JARID2: variants seen among roughly 807,000 people sequenced by gnomAD.
JARID2 encodes the protein jumonji and AT-rich interaction domain containing 2, also known as protein Jumonji.
JARID2 carries 21 observed loss-of-function variants against 125.6 expected under a neutral mutation model. That is an observed-to-expected ratio of 0.17 (90% confidence interval 0.12 to 0.24). The LOEUF (loss-of-function observed/expected upper bound fraction) is 0.24, where lower values mean the gene tolerates loss of function less well. Among genes scored for constraint, JARID2 ranks in the 10% least tolerant of loss-of-function variants. The pLI is 1.00. For synonymous variants in JARID2, 736 were observed against 661.6 expected (o/e 1.11, Z -1.73); for missense variants, 1,303 against 1,639.6 (o/e 0.79, Z 3.55).
At chr6:15,418,123 C>T (rs1474791773) in intron 3 of JARID2, among the ~76,000 whole-genome samples, 3 of 151,774 alleles carry the variant, frequency 2.0e-5, no homozygotes, top group Admixed American at 6.6e-5. Context: ...GAGATTCCAT[C>T]GTGGCTGCTC....
chr6:15,493,035 G>T (rs1027922761), intron 6 of JARID2, among the ~76,000 whole-genome samples: 4 of 152,104 alleles, frequency 2.6e-5, no homozygotes, highest in Non-Finnish European at 5.9e-5. Context: ...TGCCATTGAA[G>T]ATAGTGATAT....
intron 3 of JARID2, among the ~76,000 whole-genome samples, chr6:15,440,336 T>C (rs561758058): frequency 5.3e-5 from 8 of 152,318 alleles, no homozygotes; most frequent in African/African-American, 1.9e-4. Flanking sequence ...GCGAGGTGTC[T>C]GAGGTCATGG....
At chr6:15,475,523 T>C (rs1480031874) in intron 5 of JARID2, among the ~76,000 whole-genome samples, 1 of 152,164 alleles carries the variant, frequency 6.6e-6, no homozygotes, top group Admixed American at 6.6e-5. Flanking sequence ...CTACCACCTG[T>C]TCTTCAACAT....
intron 2 of JARID2, among the ~76,000 whole-genome samples, chr6:15,392,766 C>T (rs1388984661): frequency 6.8e-6 from 1 of 147,170 alleles, no homozygotes; most frequent in Non-Finnish European, 1.5e-5. Flanking sequence ...CTCATTGTAA[C>T]CTCCACCTCC....
chr6:15,500,785 C>A, intron 7 of JARID2, 122 bp from the exon 8 acceptor site: 1 of 843,620 alleles, frequency 1.2e-6, no homozygotes, highest in South Asian at 1.6e-5. Context: ...ACCACTCTCA[C>A]CCCAGAGCCT....
At chr6:15,364,281 A>G (rs1217802799) in intron 1 of JARID2, among the ~76,000 whole-genome samples, 1 of 152,182 alleles carries the variant, frequency 6.6e-6, no homozygotes, top group African/African-American at 2.4e-5. Flanking sequence ...CCTGTCAGTA[A>G]GGGGCAACCA....
intron 1 of JARID2, among the ~76,000 whole-genome samples, chr6:15,330,756 A>G (rs148653408): frequency 1.6e-3 from 244 of 152,328 alleles, no homozygotes; most frequent in African/African-American, 5.7e-3. Context: ...AAAAGATGCA[A>G]TCATTGCTAA....
chr6:15,442,691 A>G (rs1767499487), intron 3 of JARID2, among the ~76,000 whole-genome samples: 1 of 152,186 alleles, frequency 6.6e-6, no homozygotes, highest in South Asian at 2.1e-4. Flanking sequence ...TGACAGAACA[A>G]AAGGGCTTTG....
At chr6:15,402,628 C>CCA (rs1375142653) in intron 2 of JARID2, among the ~76,000 whole-genome samples, 1 of 152,164 alleles carries the variant, frequency 6.6e-6, no homozygotes, top group Non-Finnish European at 1.5e-5. Context: ...TGCAGTGATG[C>CCA]CATTGTTCTG....
At chr6:15,288,374 G>C (rs988004519) in intron 1 of JARID2, among the ~76,000 whole-genome samples, 1 of 152,116 alleles carries the variant, frequency 6.6e-6, no homozygotes, top group Non-Finnish European at 1.5e-5. Context: ...TCTCATTCAC[G>C]ATTGCTAGGA....
chr6:15,380,058 G>A (rs545826511), intron 2 of JARID2, among the ~76,000 whole-genome samples: 169 of 151,082 alleles, frequency 1.1e-3, no homozygotes, highest in African/African-American at 3.8e-3. Context: ...AGGGGATGGA[G>A]TCTTGCTTGC....
chr6:15,497,246 C>G (rs973845752), intron 7 of JARID2, 76 bp downstream of exon 7: 20 of 1,138,566 alleles, frequency 1.8e-5, no homozygotes, highest in Non-Finnish European at 2.3e-5. Flanking sequence ...TCACAGTCTT[C>G]ACGTTCTCTT....
At chr6:15,489,335 T>G (rs1770034849) in intron 6 of JARID2, among the ~76,000 whole-genome samples, 1 of 152,136 alleles carries the variant, frequency 6.6e-6, no homozygotes, top group Admixed American at 6.5e-5. Context: ...TGAGAACCCA[T>G]CCTTGGGATG....
At chr6:15,257,734 T>G (rs781349004) in intron 1 of JARID2, among the ~76,000 whole-genome samples, 4 of 152,220 alleles carry the variant, frequency 2.6e-5, no homozygotes, top group African/African-American at 4.8e-5. Context: ...GTAGTACACG[T>G]TAGGCCAGCG....
intron 3 of JARID2, among the ~76,000 whole-genome samples, chr6:15,419,826 A>G (rs1766405463): frequency 6.6e-6 from 1 of 152,200 alleles, no homozygotes; most frequent in Admixed American, 6.5e-5. Flanking sequence ...AGGCAATTTG[A>G]TACGATGTGC....
intron 3 of JARID2, among the ~76,000 whole-genome samples, chr6:15,444,497 C>T (rs1581573362): frequency 6.6e-6 from 1 of 152,294 alleles, no homozygotes; most frequent in Middle Eastern, 3.4e-3. Context: ...CCACAACCTC[C>T]AGTGCGCACA....
At chr6:15,412,318 G>C (rs112889497) in intron 3 of JARID2, among the ~76,000 whole-genome samples, 4 of 151,922 alleles carry the variant, frequency 2.6e-5, no homozygotes, top group Non-Finnish European at 5.9e-5. Flanking sequence ...TTTTTGGGGG[G>C]GTTGAGGGAG....
chr6:15,458,161 A>G (rs1768275020), intron 4 of JARID2, among the ~76,000 whole-genome samples: 1 of 152,178 alleles, frequency 6.6e-6, no homozygotes, highest in African/African-American at 2.4e-5. Flanking sequence ...CACTCTGGTT[A>G]TTCTTAATGA....
chr6:15,423,937 C>T (rs1184846548), intron 3 of JARID2, among the ~76,000 whole-genome samples: 1 of 152,114 alleles, frequency 6.6e-6, no homozygotes, highest in Admixed American at 6.5e-5. Flanking sequence ...CCCAAGACAC[C>T]TCCTCTCCCG....
Sources: gnomAD v4.1 joint callset for allele counts (sites outside exome capture counted in the v4.1 genomes callset) on GRCh38, gnomAD v4.1.1 for gene constraint, MANE v1.5 for transcripts, NCBI Gene and HGNC (gene_info 2026-07-23, HGNC 2026-07-21) for gene names.